Variants in ERBIN observed in about 807,000 individuals in gnomAD.
ERBIN encodes the protein densin-180-like protein.
Under a neutral mutation model 158.4 loss-of-function variants are expected in ERBIN, and 60 were observed. The ratio of observed to expected loss-of-function variants is 0.38; its 90% CI spans 0.31 to 0.47. The LOEUF is 0.47. Among genes scored for constraint, ERBIN ranks in the 20% least tolerant of loss-of-function variants. The probability of loss-of-function intolerance (pLI) is 0.99; values close to 1 mark genes in which losing one functional copy is unlikely to be tolerated. For synonymous variants in ERBIN, 594 were observed against 557.2 expected, an observed-to-expected ratio of 1.07 and a Z score of -0.93; for missense variants, 1,610 against 1,648.0, an observed-to-expected ratio of 0.98 and a Z score of 0.40.
chr5:65,989,131 A>G (rs985589728), intron 2 of ERBIN, among the ~76,000 whole-genome samples: 7 of 151,860 alleles, frequency 4.6e-5, no homozygotes, highest in Admixed American at 3.3e-4. Context: ...CTGAAATTCT[A>G]ATGAGCAGTT....
At position 66,018,512 on chromosome 5, in the gene ERBIN, AT is replaced by A. The variant is rs1755162784; in HGVS notation, c.534-2808del. Among the ~76,000 whole-genome samples the A allele has an allele frequency of 1.8e-3, 20 of 11,412 alleles. 5 individuals carry two copies. Among genetic ancestry groups the A allele is most frequent in the South Asian group, 6.0e-3 (3 of 502 alleles). 7.5% of individuals were successfully genotyped at this position (11,412 alleles called of 152,430 possible). A position where few individuals can be genotyped will look rare whatever the true frequency, so the allele number is the denominator to read the frequency against. On this transcript the variant is annotated intron_variant, in intron 7 of 25. Transcript: ENST00000284037. Reference sequence around the variant, plus strand: ...TTATATTATATAATATATATTATATATTATATAATATATATTATATTATATA... The same window carrying A: ...TTATATTATATAATATATATTATATATATATAATATATATTATATTATATA...
At chr5:65,966,937 A>G (rs1283311629) in intron 1 of ERBIN, among the ~76,000 whole-genome samples, 2 of 152,088 alleles carry the variant, frequency 1.3e-5, no homozygotes, top group Non-Finnish European at 2.9e-5. Flanking sequence ...AAAAGTTAAA[A>G]AAAAATTTCT....
rs367681506 is a variant in ERBIN, at chr5:66,070,190, G to A, written c.3634-1979G>A. Among the ~76,000 whole-genome samples, 46 of 152,082 alleles carry A rather than the reference G, an allele frequency of 3.0e-4. No individual in the cohort carries two copies. In the Middle Eastern group the frequency reaches 0.01, roughly 34 times the overall value. ...CTCCCAAGTAGCTGGGATTACAGGT[G>A]CGCACCACCACACCCGGCTAATTTT... On this transcript the variant is annotated intron_variant, in intron 21 of 25. Coordinates refer to ENST00000284037, the MANE Select transcript of ERBIN (RefSeq NM_001253697.2).
chr5:66,044,223 A>G lies in ERBIN; in HGVS notation c.1515A>G (p.Leu505=), dbSNP rs746889458. Residue 505 remains leucine (L), a synonymous_variant, in exon 17 of 26, where the codon TTA becomes TTG. Transcript: ENST00000284037. The part of the protein sequence containing the change: ...VKTVQTIVHR[L]KDEETNEDSG... ...CTGTTCAAACCATTGTACATAGATT[A>G]AAAGATGAAGAGACCAATGAAGACT... 4 of 1,612,604 alleles carry G rather than the reference A, an allele frequency of 2.5e-6. No individual in the cohort carries two copies. The South Asian group carries it at 4.4e-5, about 18-fold the overall frequency.
Position 66,044,225 on chromosome 5 carries a change from A to C in ERBIN, c.1517A>C (p.Lys506Thr). ...KTVQTIVHRL[K>T]DEETNEDSGR... ...GTTCAAACCATTGTACATAGATTAA[A>C]AGATGAAGAGACCAATGAAGACTCA... The change falls in exon 17 of 26, where the codon AAA becomes ACA. Residue 506 changes from lysine (K) to threonine (T), a missense_variant. By Grantham distance (78) the Lys-to-Thr change is moderately conservative. Transcript: ENST00000284037. 3.7e-6 allele frequency: 6 copies of C among 1,612,710 alleles called. No homozygotes were observed. Among genetic ancestry groups the C allele is most frequent in the Non-Finnish European group, 4.2e-6 (5 of 1,179,392 alleles).
intron 1 of ERBIN, among the ~76,000 whole-genome samples, chr5:65,937,827 T>A (rs1744272453): frequency 6.6e-6 from 1 of 152,180 alleles, no homozygotes; most frequent in Non-Finnish European, 1.5e-5. Flanking sequence ...GAGAATGGCA[T>A]GAACCCGGGA....
rs11949712 is a variant in ERBIN, at chr5:66,047,733, A to T, written c.1789-934A>T. Among the ~76,000 whole-genome samples, 240 of 152,070 alleles carry T rather than the reference A, an allele frequency of 1.6e-3. 2 individuals carry two copies. Among genetic ancestry groups the T allele is most frequent in the Middle Eastern group, 0.01 (3 of 294 alleles). ...TCATTTACAACAGGAATAATTTTTT[A>T]AAAAAAGGATGGTTAATATCACTCA... On this transcript the variant is annotated intron_variant, in intron 18 of 25. Transcript: ENST00000284037.
At chr5:66,019,679 C>T (rs1387995931) in intron 7 of ERBIN, among the ~76,000 whole-genome samples, 3 of 152,084 alleles carry the variant, frequency 2.0e-5, no homozygotes, top group South Asian at 2.1e-4. Context: ...GTATCACTCA[C>T]GTTTTCCTAA....
At chr5:66,042,728 C>A (rs915478818) in intron 15 of ERBIN, among the ~76,000 whole-genome samples, 12 of 151,902 alleles carry the variant, frequency 7.9e-5, no homozygotes, top group Admixed American at 4.6e-4. Flanking sequence ...ATGTTTAATA[C>A]AGTGATGAAA....
rs1431378489 is a variant in ERBIN at position 66,082,167 on chromosome 5, A to G, written c.*3637A>G. 1.3e-5 allele frequency: 2 copies of G among 152,166 alleles called. No individual in the cohort carries two copies. The highest frequency in any genetic ancestry group is 2.4e-5 in the African/African-American group (1 of 41,442). 9.4% of individuals were successfully genotyped at this position (152,166 alleles called of 1,614,324 possible). On this transcript the variant is annotated 3_prime_UTR_variant, in exon 26 of 26. Transcript: ENST00000284037. ...CTATAACGTACAGTCCTAATATCCAACCACCTGAGAAGCTCATCCTAAGCT... is the reference window on the plus strand; with the variant it reads ...CTATAACGTACAGTCCTAATATCCAGCCACCTGAGAAGCTCATCCTAAGCT...
rs1762369096 is a variant in ERBIN at position 66,081,187 on chromosome 5, A to C, written c.*2657A>C. On this transcript the variant is annotated 3_prime_UTR_variant, in exon 26 of 26. Coordinates refer to ENST00000284037, the MANE Select transcript of ERBIN (RefSeq NM_001253697.2). ...AATTTCTTACTCTAACCAGTAAAAAAATAATACTGATCAGAGTAATTTATA... is the reference window on the plus strand; with the variant it reads ...AATTTCTTACTCTAACCAGTAAAAACATAATACTGATCAGAGTAATTTATA... The C allele has an allele frequency of 6.6e-6, 1 of 152,006 alleles. No homozygotes were observed. The highest frequency in any genetic ancestry group is 1.5e-5 in the Non-Finnish European group (1 of 67,884). The allele number at this position is 152,006 out of a possible 1,614,324, so 9.4% of individuals were successfully genotyped here.
At chr5:66,003,461 T>A (rs1313956742) in intron 4 of ERBIN, among the ~76,000 whole-genome samples, 1 of 152,208 alleles carries the variant, frequency 6.6e-6, no homozygotes, top group Non-Finnish European at 1.5e-5. Context: ...GGTAATTCTA[T>A]GATTGGGTAT....
chr5:66,054,002 C>A lies in ERBIN; in HGVS notation c.2684C>A (p.Pro895Gln). The A allele has an allele frequency of 6.2e-7, 1 of 1,614,080 alleles. No individual in the cohort carries two copies. The highest frequency in any genetic ancestry group is 8.5e-7 in the Non-Finnish European group (1 of 1,180,014). Residue 895 changes from proline (P) to glutamine (Q), a missense_variant, in exon 21 of 26, where the codon CCA becomes CAA. Coordinates refer to ENST00000284037, the MANE Select transcript of ERBIN (RefSeq NM_001253697.2). ...CTTAGTGATAATGGACCTCAGCAGC[C>A]AAGTACAACCGTTAAAATCACATCT... is the stretch of plus-strand genomic sequence containing the variant. ...DILSDNGPQQ[P>Q]STTVKITSAV... is the part of the protein sequence containing the mutation.
intron 21 of ERBIN, among the ~76,000 whole-genome samples, chr5:66,057,710 C>T (rs1268836427): frequency 8.3e-6 from 1 of 120,950 alleles, no homozygotes; most frequent in African/African-American, 3.1e-5. Context: ...CCTCCCCCGA[C>T]CCCACAACAG....
chr5:65,945,869 C>G (rs1206562178), intron 1 of ERBIN, among the ~76,000 whole-genome samples: 2 of 152,218 alleles, frequency 1.3e-5, no homozygotes, highest in African/African-American at 4.8e-5. Context: ...TATCCAGTTA[C>G]CCCAGTGGTA....
In ERBIN at chr5:66,080,689, C is replaced by T. The variant is rs1278970518; in HGVS notation, c.*2159C>T. The T allele has an allele frequency of 6.6e-6, 1 of 151,998 alleles. No individual in the cohort carries two copies. The highest frequency in any genetic ancestry group is 1.5e-5 in the Non-Finnish European group (1 of 67,898). 9.4% of individuals were successfully genotyped at this position (151,998 alleles called of 1,614,324 possible). A position where few individuals can be genotyped will look rare whatever the true frequency, so the allele number is the denominator to read the frequency against. On this transcript the variant is annotated 3_prime_UTR_variant, in exon 26 of 26. Coordinates refer to ENST00000284037, the MANE Select transcript of ERBIN (RefSeq NM_001253697.2). ...TTTTCAACTACTTTACCTTGAACCA[C>T]ATATACCAATTATAATTTTGGAAAA...
intron 4 of ERBIN, among the ~76,000 whole-genome samples, chr5:66,011,730 G>T (rs570239353): frequency 6.6e-6 from 1 of 152,074 alleles, no homozygotes; most frequent in East Asian, 1.9e-4. Flanking sequence ...TTTTTTTAAA[G>T]TGAGAGAAAC....
At chr5:66,037,830 G>A (rs1006233816) in intron 14 of ERBIN, among the ~76,000 whole-genome samples, 6 of 152,146 alleles carry the variant, frequency 3.9e-5, no homozygotes, top group Admixed American at 2.6e-4. Context: ...CAAATTTCCT[G>A]GGGGACTCCA....
chr5:65,998,359 G>T (rs1208954476), intron 4 of ERBIN, among the ~76,000 whole-genome samples: 1 of 150,870 alleles, frequency 6.6e-6, no homozygotes, highest in Non-Finnish European at 1.5e-5. Context: ...CTGTTTTAAG[G>T]ATTTATTATT....
Sources: allele counts gnomAD v4.1 joint callset (sites outside exome capture counted in the v4.1 genomes callset), GRCh38; gene constraint gnomAD v4.1.1; transcripts MANE v1.5; gene names NCBI Gene and HGNC (gene_info 2026-07-23, HGNC 2026-07-21).